Variants in NRXN3 observed in about 807,000 individuals in gnomAD.
NRXN3 encodes neurexin 3, also known as neurexin III.
A neutral mutation model predicts 137.6 loss-of-function variants in NRXN3; 32 were observed. That is an observed-to-expected ratio of 0.23 (90% confidence interval 0.18 to 0.31). NRXN3 has a LOEUF of 0.31. Among genes scored for constraint, NRXN3 ranks in the 10% least tolerant of loss-of-function variants. The pLI, the probability that NRXN3 is intolerant of heterozygous loss-of-function variation, is 1.00. For missense variants in NRXN3, 1,574 were observed against 2,062.5 expected (o/e 0.76, Z 4.59); for synonymous variants, 798 against 784.5 (o/e 1.02, Z -0.29).
chr14:79,811,559 TTTC>T (rs1351530005), intron 20 of NRXN3, among the ~76,000 whole-genome samples: 1 of 150,706 alleles, frequency 6.6e-6, no homozygotes, highest in Non-Finnish European at 1.5e-5. Flanking sequence ...GTTATTTCAC[TTTC>T]TTTTCTTTTT....
chr14:79,365,448 G>C (rs1014037370), intron 15 of NRXN3, among the ~76,000 whole-genome samples: 1 of 151,892 alleles, frequency 6.6e-6, no homozygotes, highest in African/African-American at 2.4e-5. Flanking sequence ...GGCCGGGCGC[G>C]GTGGCTCACG....
chr14:79,748,463 GC>G (rs2098986403), intron 19 of NRXN3, among the ~76,000 whole-genome samples: 1 of 152,072 alleles, frequency 6.6e-6, no homozygotes, highest in Non-Finnish European at 1.5e-5. Flanking sequence ...TGGTTCCTTT[GC>G]CAAGCCATCC....
chr14:78,228,055 A>T (rs2064906315), intron 1 of NRXN3, among the ~76,000 whole-genome samples: 1 of 152,144 alleles, frequency 6.6e-6, no homozygotes, highest in Non-Finnish European at 1.5e-5. Flanking sequence ...TAAATTGCCA[A>T]GGGTATGGAG....
At chr14:78,927,893 T>C (rs1199814763) in intron 10 of NRXN3, among the ~76,000 whole-genome samples, 3 of 152,138 alleles carry the variant, frequency 2.0e-5, no homozygotes, top group Non-Finnish European at 4.4e-5. Context: ...CTTTGGACAG[T>C]TTGCAAATGA....
At chr14:79,716,623 C>T (rs1012378918) in intron 19 of NRXN3, among the ~76,000 whole-genome samples, 8 of 151,960 alleles carry the variant, frequency 5.3e-5, no homozygotes, top group South Asian at 2.1e-4. Context: ...AGTTTTCCTG[C>T]AGTCTAATTA....
intron 4 of NRXN3, among the ~76,000 whole-genome samples, chr14:78,615,613 AAAC>A (rs950377748): frequency 7.9e-5 from 12 of 151,678 alleles, no homozygotes; most frequent in East Asian, 3.9e-4. Context: ...TCCATCTCAA[AAAC>A]AACAACAACA....
At chr14:79,357,174 T>C (rs1473293257) in intron 15 of NRXN3, among the ~76,000 whole-genome samples, 2 of 152,168 alleles carry the variant, frequency 1.3e-5, no homozygotes, top group Non-Finnish European at 2.9e-5. Flanking sequence ...TTATAAATAT[T>C]TGTATGAAGT....
intron 16 of NRXN3, among the ~76,000 whole-genome samples, chr14:79,639,422 GA>G (rs898704208): frequency 1.7e-4 from 26 of 151,856 alleles, no homozygotes; most frequent in African/African-American, 6.3e-4. Flanking sequence ...TTGTGTTGAT[GA>G]GTTCTCTAGA....
At chr14:78,953,248 A>T (rs1446135643) in intron 10 of NRXN3, among the ~76,000 whole-genome samples, 1 of 152,198 alleles carries the variant, frequency 6.6e-6, no homozygotes, top group East Asian at 1.9e-4. Flanking sequence ...ATAATAGCTG[A>T]GTGTCATCTT....
At chr14:78,456,852 T>TCTTTCTTTCTTG (rs2094738745) in intron 4 of NRXN3, among the ~76,000 whole-genome samples, 2 of 133,158 alleles carry the variant, frequency 1.5e-5, no homozygotes, top group South Asian at 4.9e-4. Context: ...TTTCTTTCTT[T>TCTTTCTTTCTTG]CTTTTTCTCT....
chr14:79,023,875 C>G (rs926290324), intron 15 of NRXN3, among the ~76,000 whole-genome samples: 5 of 152,062 alleles, frequency 3.3e-5, no homozygotes, highest in Non-Finnish European at 5.9e-5. Flanking sequence ...GATGGGGATG[C>G]AGCCAAACCA....
At chr14:78,655,854 T>G (rs1205765795) in intron 6 of NRXN3, among the ~76,000 whole-genome samples, 2 of 152,170 alleles carry the variant, frequency 1.3e-5, no homozygotes, top group Non-Finnish European at 2.9e-5. Flanking sequence ...AAGAACAGTG[T>G]GCCAGCCTGG....
At chr14:78,743,230 A>G (rs1360708160) in intron 8 of NRXN3, among the ~76,000 whole-genome samples, 1 of 152,216 alleles carries the variant, frequency 6.6e-6, no homozygotes, top group Non-Finnish European at 1.5e-5. Flanking sequence ...ATACTACTTT[A>G]TCTACTTTGT....
chr14:79,123,802 A>AT (rs2055906277), intron 15 of NRXN3, among the ~76,000 whole-genome samples: 2 of 152,210 alleles, frequency 1.3e-5, no homozygotes, highest in African/African-American at 4.8e-5. Context: ...ATGAATAAGC[A>AT]GAGCAGGCCA....
At chr14:78,983,346 C>G (rs10142847) in intron 14 of NRXN3, among the ~76,000 whole-genome samples, 22,619 of 152,162 alleles carry the variant, frequency 0.15, 2,543 homozygotes, top group African/African-American at 0.32. Flanking sequence ...TCTGCATTCC[C>G]ATGTTCATTG....
chr14:79,337,709 A>G (rs1003051551), intron 15 of NRXN3, among the ~76,000 whole-genome samples: 2 of 152,178 alleles, frequency 1.3e-5, no homozygotes, highest in Non-Finnish European at 2.9e-5. Context: ...AATTCCTCAC[A>G]TGATAAATGC....
At chr14:79,262,882 G>T (rs998476658) in intron 15 of NRXN3, among the ~76,000 whole-genome samples, 1 of 152,068 alleles carries the variant, frequency 6.6e-6, no homozygotes, top group Non-Finnish European at 1.5e-5. Flanking sequence ...GGTAGCTTTC[G>T]GACTCTACTT....
At chr14:79,766,833 G>A (rs1603473588) in intron 19 of NRXN3, among the ~76,000 whole-genome samples, 2 of 152,312 alleles carry the variant, frequency 1.3e-5, no homozygotes, top group South Asian at 4.1e-4. Context: ...GGCAGAGATT[G>A]CCACATGCAC....
intron 20 of NRXN3, among the ~76,000 whole-genome samples, chr14:79,835,158 C>T (rs2141324843): frequency 6.6e-6 from 1 of 152,222 alleles, no homozygotes; most frequent in East Asian, 1.9e-4. Flanking sequence ...TTTTGAAAAT[C>T]ACTAAGGGAG....
Sources: allele counts gnomAD v4.1 joint callset (sites outside exome capture counted in the v4.1 genomes callset), GRCh38; gene constraint gnomAD v4.1.1; transcripts MANE v1.5; gene names NCBI Gene and HGNC (gene_info 2026-07-23, HGNC 2026-07-21).